Variants in CARMIL1 observed in about 807,000 individuals in gnomAD.
CARMIL1 encodes F-actin-uncapping protein LRRC16A.
In CARMIL1, 90 loss-of-function variants were observed where a neutral mutation model predicts 177.1. That is an observed-to-expected ratio of 0.51 (90% CI 0.43 to 0.61). The LOEUF (loss-of-function observed/expected upper bound fraction) is 0.61. Ranked by LOEUF, CARMIL1 falls within the 20% of genes least tolerant of loss-of-function variation. CARMIL1 has a pLI of 0.00. For missense variants in CARMIL1, 1,380 were observed against 1,667.0 expected, an observed-to-expected ratio of 0.83 and a Z score of 3.00; for synonymous variants, 577 against 606.2, an observed-to-expected ratio of 0.95 and a Z score of 0.71.
chr6:25,478,539 A>G (rs1032091673), intron 11 of CARMIL1, among the ~76,000 whole-genome samples: 20 of 152,168 alleles, frequency 1.3e-4, no homozygotes, highest in African/African-American at 4.6e-4. Flanking sequence ...GCTCACGCCT[A>G]TAATCCTAGC....
At chr6:25,300,023 T>G (rs1031788359) in intron 2 of CARMIL1, among the ~76,000 whole-genome samples, 1 of 151,734 alleles carries the variant, frequency 6.6e-6, no homozygotes, top group Non-Finnish European at 1.5e-5. Flanking sequence ...ACATGTCCTT[T>G]GGATTGTAGA....
At chr6:25,536,337 T>C (rs935076666) in intron 24 of CARMIL1, among the ~76,000 whole-genome samples, 2 of 152,172 alleles carry the variant, frequency 1.3e-5, no homozygotes, top group Admixed American at 1.3e-4. Flanking sequence ...TGCAGAAAGA[T>C]ATGATTCCTG....
intron 2 of CARMIL1, among the ~76,000 whole-genome samples, chr6:25,412,859 A>G (rs909547646): frequency 1.1e-4 from 16 of 152,182 alleles, no homozygotes; most frequent in Non-Finnish European, 2.1e-4. Context: ...ATTAATATCA[A>G]TGTATCCCAC....
chr6:25,515,897 C>G lies in CARMIL1; in HGVS notation c.1805+50C>G. 1 of 1,534,822 alleles carries G rather than the reference C, an allele frequency of 6.5e-7. No homozygotes were observed. The highest frequency in any genetic ancestry group is 8.8e-7 in the Non-Finnish European group (1 of 1,136,578). ...TCATGAGGAAGGCTTGGAGCAGATTCCGAACAGCAAGCATTGCAGAGCTGC... is the reference window on the plus strand; with the variant it reads ...TCATGAGGAAGGCTTGGAGCAGATTGCGAACAGCAAGCATTGCAGAGCTGC... On this transcript the variant is annotated intron_variant, in intron 21 of 36. Transcript: ENST00000329474. This position sits in a 1 kb window ranked among gnomAD's most constrained non-coding sequence, Gnocchi z 5.0.
chr6:25,353,040 C>T (rs978630910), intron 2 of CARMIL1, among the ~76,000 whole-genome samples: 1 of 152,166 alleles, frequency 6.6e-6, no homozygotes, highest in Non-Finnish European at 1.5e-5. Context: ...CAGCTGCTAT[C>T]TTTTGGCCAT....
Position 25,289,293 on chromosome 6 carries a change from C to G in CARMIL1, c.138+4384C>G, listed in dbSNP as rs1781756856. Among the ~76,000 whole-genome samples, 3 of 152,294 alleles carry G rather than the reference C, an allele frequency of 2.0e-5. No individual in the cohort carries two copies. The South Asian group carries it at 6.2e-4, about 32-fold the overall frequency. On this transcript the variant is annotated intron_variant, in intron 2 of 36. Transcript: ENST00000329474. ...AAAGTGATTCTATGTTTATTTGACT[C>G]TAATTCCCTTCTCCCATTTGCTAAA...
intron 2 of CARMIL1, among the ~76,000 whole-genome samples, chr6:25,408,294 A>AAAT (rs1794583273): frequency 1.4e-5 from 1 of 72,766 alleles, no homozygotes; most frequent in South Asian, 3.7e-4. Flanking sequence ...TCTTAAAATA[A>AAAT]AAAAAAAAAA....
At chr6:25,615,097 T>C (rs1046865258) in intron 36 of CARMIL1, among the ~76,000 whole-genome samples, 2 of 152,292 alleles carry the variant, frequency 1.3e-5, no homozygotes, top group Non-Finnish European at 2.9e-5. Context: ...AGCACTTGAC[T>C]GTCTTCACCT....
intron 2 of CARMIL1, among the ~76,000 whole-genome samples, chr6:25,314,262 C>T (rs1205136032): frequency 7.6e-6 from 1 of 131,330 alleles, no homozygotes; most frequent in Non-Finnish European, 1.7e-5. Context: ...ATCACGAGGT[C>T]AGGAGCCCAA....
intron 1 of CARMIL1, among the ~76,000 whole-genome samples, chr6:25,284,088 A>T (rs1468539165): frequency 6.6e-6 from 1 of 152,184 alleles, no homozygotes; most frequent in Non-Finnish European, 1.5e-5. Flanking sequence ...GAGAATGCTA[A>T]TATTTGTATG....
chr6:25,615,339 TTA>T (rs1816813731), intron 36 of CARMIL1, among the ~76,000 whole-genome samples: 2 of 152,224 alleles, frequency 1.3e-5, no homozygotes, highest in African/African-American at 4.8e-5. Flanking sequence ...ATCACGAATA[TTA>T]TGTTTTGTGT....
intron 29 of CARMIL1, among the ~76,000 whole-genome samples, chr6:25,574,906 T>C: frequency 6.6e-6 from 1 of 152,194 alleles, no homozygotes; most frequent in East Asian, 1.9e-4. Flanking sequence ...ATACTCTCTC[T>C]TTGGGAATAG....
rs1409717962 is a variant in CARMIL1 at position 25,554,590 on chromosome 6, TTTC to T, written c.2592+498_2592+500del. On this transcript the variant is annotated intron_variant, in intron 28 of 36. Coordinates refer to ENST00000329474, the MANE Select transcript of CARMIL1 (RefSeq NM_017640.6). The surrounding 1 kb of genome is among the most constrained non-coding windows in gnomAD (Gnocchi z 4.6). ...GGATATAACCAAGGTAAAAAAAAAA[TTTC>T]TTCATCTAGAGACTGGTTCTGCCTC... 1.3e-5 allele frequency among the ~76,000 whole-genome samples: 2 copies of T among 151,990 alleles called. No individual in the cohort carries two copies. The highest frequency in any genetic ancestry group is 2.9e-5 in the Non-Finnish European group (2 of 67,976).
intron 8 of CARMIL1, among the ~76,000 whole-genome samples, chr6:25,453,923 T>C (rs920406844): frequency 6.6e-6 from 1 of 152,144 alleles, no homozygotes; most frequent in Non-Finnish European, 1.5e-5. Flanking sequence ...TTGATAGGTA[T>C]GTATAGGGTC....
At chr6:25,379,338 C>A (rs1791311629) in intron 2 of CARMIL1, among the ~76,000 whole-genome samples, 1 of 152,084 alleles carries the variant, frequency 6.6e-6, no homozygotes. Flanking sequence ...GGATTGGGGC[C>A]ACTGTGTTGT....
intron 2 of CARMIL1, among the ~76,000 whole-genome samples, chr6:25,390,316 A>AT (rs1316087000): frequency 1.5e-3 from 63 of 42,194 alleles, no homozygotes; most frequent in South Asian, 4.8e-3. Flanking sequence ...ATATATATAT[A>AT]TATATTTTTT....
chr6:25,410,464 C>T (rs1794807428), intron 2 of CARMIL1, among the ~76,000 whole-genome samples: 1 of 152,170 alleles, frequency 6.6e-6, no homozygotes, highest in East Asian at 1.9e-4. Context: ...GGCTGAGTTA[C>T]CTGCCCAAGA....
intron 2 of CARMIL1, among the ~76,000 whole-genome samples, chr6:25,358,080 G>A (rs1269488093): frequency 3.3e-5 from 5 of 152,042 alleles, no homozygotes; most frequent in Non-Finnish European, 5.9e-5. Context: ...ATAACTTTTC[G>A]GTAATAAAAA....
chr6:25,515,237 A>G lies in CARMIL1; in HGVS notation c.1633-438A>G, dbSNP rs1200866086. ...AGTAATTGTTCAATAATTGTCAGCT[A>G]TTATTAATCCTGGCTGGCTTTTATC... On this transcript the variant is annotated intron_variant, in intron 20 of 36. Coordinates refer to ENST00000329474, the MANE Select transcript of CARMIL1 (RefSeq NM_017640.6). This position sits in a 1 kb window ranked among gnomAD's most constrained non-coding sequence, Gnocchi z 5.0. Among the ~76,000 whole-genome samples, 1 of 152,200 alleles carries G rather than the reference A, an allele frequency of 6.6e-6. No individual in the cohort carries two copies. The highest frequency in any genetic ancestry group is 1.9e-4 in the East Asian group (1 of 5,198).
Sources: allele counts gnomAD v4.1 joint callset (sites outside exome capture counted in the v4.1 genomes callset), GRCh38; gene constraint gnomAD v4.1.1; non-coding constraint Gnocchi (gnomAD v3.1); transcripts MANE v1.5; gene names NCBI Gene and HGNC (gene_info 2026-07-23, HGNC 2026-07-21).